POT1: variants seen among roughly 807,000 people sequenced by gnomAD.
The protein encoded by POT1 is protection of telomeres protein 1.
A neutral mutation model predicts 78.5 loss-of-function variants in POT1; 47 were observed. The ratio of observed to expected loss-of-function variants is 0.60; its 90% confidence interval spans 0.47 to 0.76. The LOEUF is 0.76. Ranked by LOEUF, POT1 falls within the 30% of genes least tolerant of loss-of-function variation. POT1 has a pLI of 0.00. For synonymous variants in POT1, 259 were observed against 260.7 expected (o/e 0.99, Z 0.06); for missense variants, 646 against 749.9 (o/e 0.86, Z 1.62).
intron 15 of POT1, among the ~76,000 whole-genome samples, chr7:124,832,096 C>G (rs947740011): frequency 3.3e-5 from 5 of 150,088 alleles, no homozygotes; most frequent in Non-Finnish European, 7.4e-5. Context: ...GGCAAAACCC[C>G]ATCCCTACAA....
chr7:124,826,641 G>A (rs191855327), intron 17 of POT1, among the ~76,000 whole-genome samples: 1 of 152,124 alleles, frequency 6.6e-6, no homozygotes, highest in African/African-American at 2.4e-5. Flanking sequence ...GGAGGCCAAG[G>A]GTGGGTGGAT....
intron 6 of POT1, among the ~76,000 whole-genome samples, chr7:124,883,639 G>C (rs928306724): frequency 6.6e-6 from 1 of 151,938 alleles, no homozygotes; most frequent in African/African-American, 2.4e-5. Flanking sequence ...CACAGGTCAT[G>C]AGTTAACAAC....
chr7:124,923,073 C>T (rs1797190240), intron 2 of POT1, among the ~76,000 whole-genome samples: 1 of 151,292 alleles, frequency 6.6e-6, no homozygotes, highest in South Asian at 2.1e-4. Context: ...ACACTAGATG[C>T]ACAGATATCA....
intron 6 of POT1, among the ~76,000 whole-genome samples, chr7:124,888,570 G>C (rs1016758952): frequency 6.6e-6 from 1 of 151,928 alleles, no homozygotes; most frequent in Non-Finnish European, 1.5e-5. Flanking sequence ...TGTTAATAAA[G>C]GCATAACTCA....
chr7:124,840,412 GA>G (rs1486504352), intron 14 of POT1, among the ~76,000 whole-genome samples: 1 of 151,302 alleles, frequency 6.6e-6, no homozygotes, highest in Non-Finnish European at 1.5e-5. Context: ...GAAGCCTTAA[GA>G]AAAACTCTAA....
chr7:124,884,831 T>A (rs1007043811), intron 6 of POT1, among the ~76,000 whole-genome samples: 12 of 152,188 alleles, frequency 7.9e-5, no homozygotes, highest in African/African-American at 2.9e-4. Context: ...AAATGTTTTA[T>A]GGTCTGAATA....
chr7:124,851,991 A>T, intron 10 of POT1, 40 bp from the exon 11 acceptor site: 1 of 1,350,592 alleles, frequency 7.4e-7, no homozygotes, highest in Non-Finnish European at 1.1e-6. Flanking sequence ...GCATAAAACA[A>T]AGTCAATATA....
At chr7:124,909,264 A>C (rs1218244246) in intron 3 of POT1, among the ~76,000 whole-genome samples, 1 of 151,908 alleles carries the variant, frequency 6.6e-6, no homozygotes, top group Non-Finnish European at 1.5e-5. Flanking sequence ...ATACAGAGGA[A>C]GGCTTAATTA....
intron 12 of POT1, among the ~76,000 whole-genome samples, chr7:124,843,808 T>C (rs1227049576): frequency 6.6e-6 from 1 of 152,202 alleles, no homozygotes; most frequent in East Asian, 1.9e-4. Flanking sequence ...GCGAAGACAA[T>C]TCCTTTCAGT....
intron 9 of POT1, among the ~76,000 whole-genome samples, chr7:124,854,536 G>A (rs910683707): frequency 7.3e-5 from 11 of 151,722 alleles, no homozygotes; most frequent in Non-Finnish European, 1.0e-4. Context: ...ATTTCTGATG[G>A]AGGATATAAG....
rs1033895682 is a variant in POT1 at position 124,829,445 on chromosome 7, A to G, written c.1506-103T>C. The G allele has an allele frequency of 5.7e-6, 4 of 702,832 alleles. No homozygotes were observed. The African/African-American group carries it at 7.2e-5, about 13-fold the overall frequency. 43.5% of individuals were successfully genotyped at this position (702,832 alleles called of 1,614,324 possible). On this transcript the variant is annotated intron_variant, in intron 15 of 18. Coordinates refer to ENST00000357628, the MANE Select transcript of POT1 (RefSeq NM_015450.3). ...CATGTGTAGTTTTAAAATATAAATT[A>G]TTAAACAGAAGAATACTGCATCCCC... is the stretch of plus-strand genomic sequence containing the variant.
At position 124,846,883 on chromosome 7, in the gene POT1, G is replaced by C. The variant is rs1163025241; in HGVS notation, c.1006+59C>G. On this transcript the variant is annotated intron_variant, in intron 12 of 18. Transcript: ENST00000357628. ...AGAAATGGATTAGCTGGTAAGTGTA[G>C]AGGCAGACTTTATTATGCTCATTAC... The C allele has an allele frequency of 2.5e-6, 3 of 1,210,056 alleles. No homozygotes were observed. In the East Asian group the frequency reaches 7.1e-5, roughly 29 times the overall value. 75.0% of individuals were successfully genotyped at this position (1,210,056 alleles called of 1,614,324 possible).
chr7:124,837,426 T>C (rs1336373482), intron 14 of POT1, among the ~76,000 whole-genome samples: 1 of 152,066 alleles, frequency 6.6e-6, no homozygotes, highest in Admixed American at 6.5e-5. Flanking sequence ...ATAGTGTTAA[T>C]AATAAATAAA....
At position 124,893,154 on chromosome 7, in the gene POT1, A is replaced by T. The variant is rs1239968897; in HGVS notation, c.10-774T>A. Among the ~76,000 whole-genome samples the T allele has an allele frequency of 2.0e-5, 3 of 151,390 alleles. No individual in the cohort carries two copies. The East Asian group carries it at 5.8e-4, about 29-fold the overall frequency. On this transcript the variant is annotated intron_variant, in intron 5 of 18. Coordinates refer to ENST00000357628, the MANE Select transcript of POT1 (RefSeq NM_015450.3). Reference sequence around the variant, plus strand: ...AAGAAACTGTAGCTGGGGGACAATAAATCAAACTGTTAACAGAGAGCAAAT... The same window carrying T: ...AAGAAACTGTAGCTGGGGGACAATATATCAAACTGTTAACAGAGAGCAAAT...
rs116339091 is a variant in POT1, at chr7:124,892,703, A to G, written c.10-323T>C. 873 of 160,420 alleles carry G rather than the reference A, an allele frequency of 5.4e-3. 8 individuals are homozygous for G. The highest frequency in any genetic ancestry group is 0.021 in the Middle Eastern group (7 of 332). 9.9% of individuals were successfully genotyped at this position (160,420 alleles called of 1,614,324 possible). A position where few individuals can be genotyped will look rare whatever the true frequency, so the allele number is the denominator to read the frequency against. The stretch of plus-strand genomic sequence containing the variant: ...CTGACTTATGATGGTTCAACTTACA[A>G]TCTTCTGACTTTAGAATGGGTCTAT... On this transcript the variant is annotated intron_variant, in intron 5 of 18. Transcript: ENST00000357628.
chr7:124,855,879 T>C (rs1795435712), intron 9 of POT1, among the ~76,000 whole-genome samples: 1 of 152,040 alleles, frequency 6.6e-6, no homozygotes, highest in Non-Finnish European at 1.5e-5. Flanking sequence ...ACGTATATTT[T>C]ATAATTAACA....
intron 3 of POT1, among the ~76,000 whole-genome samples, chr7:124,898,688 G>T (rs1796550540): frequency 6.6e-6 from 1 of 151,954 alleles, no homozygotes; most frequent in Non-Finnish European, 1.5e-5. Context: ...ATAGTAATAA[G>T]GATGGAATTT....
intron 7 of POT1, among the ~76,000 whole-genome samples, chr7:124,870,393 AG>A (rs1357723510): frequency 2.0e-5 from 3 of 152,096 alleles, no homozygotes; most frequent in African/African-American, 7.2e-5. Flanking sequence ...ATTTAACTAC[AG>A]GCATAATTTT....
intron 12 of POT1, among the ~76,000 whole-genome samples, chr7:124,845,854 A>G (rs1052580369): frequency 1.3e-5 from 2 of 151,866 alleles, no homozygotes; most frequent in African/African-American, 4.8e-5. Context: ...TTACTCAATT[A>G]GTATTATTTG....
Sources: gnomAD v4.1 joint callset for allele counts (sites outside exome capture counted in the v4.1 genomes callset) on GRCh38, gnomAD v4.1.1 for gene constraint, MANE v1.5 for transcripts, NCBI Gene and HGNC (gene_info 2026-07-23, HGNC 2026-07-21) for gene names.